NKD1: variants seen among roughly 807,000 people sequenced by gnomAD.
NKD1 encodes protein naked cuticle homolog 1.
NKD1 carries 21 observed loss-of-function variants against 56.0 expected under a neutral mutation model. The ratio of observed to expected loss-of-function variants is 0.38; its 90% CI spans 0.27 to 0.54. NKD1 has a LOEUF of 0.54. Ranked by LOEUF, NKD1 falls within the 20% of genes least tolerant of loss-of-function variation. The pLI is 0.82. For synonymous variants in NKD1, 263 were observed against 265.7 expected (o/e 0.99, Z 0.10); for missense variants, 578 against 642.7 (o/e 0.90, Z 1.09).
chr16:50,603,955 C>G (rs577907161), intron 3 of NKD1, among the ~76,000 whole-genome samples: 3 of 152,318 alleles, frequency 2.0e-5, no homozygotes, highest in Non-Finnish European at 1.5e-5. Context: ...CCAATCCAGG[C>G]CATTAGACAG....
intron 4 of NKD1, among the ~76,000 whole-genome samples, chr16:50,611,709 C>T (rs1361245364): frequency 1.3e-5 from 2 of 152,228 alleles, no homozygotes; most frequent in African/African-American, 2.4e-5. Context: ...TTCTGACTTC[C>T]TGTGAATTCG....
chr16:50,611,316 G>A (rs1213142146), intron 4 of NKD1, among the ~76,000 whole-genome samples: 1 of 149,674 alleles, frequency 6.7e-6, no homozygotes, highest in Non-Finnish European at 1.5e-5. Flanking sequence ...GCATCCTCAA[G>A]TGCCTGGTTT....
intron 3 of NKD1, among the ~76,000 whole-genome samples, chr16:50,576,247 G>A (rs1367737683): frequency 6.6e-6 from 1 of 152,154 alleles, no homozygotes. Context: ...TGTGGGTATT[G>A]CCTTCGCAAG....
intron 8 of NKD1, 27 bp downstream of exon 8, chr16:50,630,937 T>C: frequency 6.5e-7 from 1 of 1,534,060 alleles, no homozygotes. Context: ...CACATGAGCA[T>C]ATGTTGAGCA....
At position 50,638,774 on chromosome 16, in the gene NKD1, G is replaced by T. The variant is rs1962521800; in HGVS notation, c.*4993G>T. On this transcript the variant is annotated 3_prime_UTR_variant, in exon 10 of 10. Transcript: ENST00000268459. ...CATCTGCCTCCAGCATGAGAAGGGG[G>T]AATAGGTGAGACCCATTTGCCAGTA... is the stretch of plus-strand genomic sequence containing the variant. 6.6e-6 allele frequency: 1 copy of T among 152,224 alleles called. No homozygotes were observed. The highest frequency in any genetic ancestry group is 2.1e-4 in the South Asian group (1 of 4,832). 9.4% of individuals were successfully genotyped at this position (152,224 alleles called of 1,614,324 possible).
At chr16:50,606,698 AC>A (rs1358986688) in intron 3 of NKD1, 1 of 433,560 alleles carries the variant, frequency 2.3e-6, no homozygotes, top group Middle Eastern at 3.4e-4. Flanking sequence ...TGATGCTGTC[AC>A]CCGGCTGCAG....
At chr16:50,596,087 C>G (rs972425185) in intron 3 of NKD1, among the ~76,000 whole-genome samples, 1 of 152,204 alleles carries the variant, frequency 6.6e-6, no homozygotes, top group African/African-American at 2.4e-5. Flanking sequence ...TTACACAGCC[C>G]CTGGCTTCCT....
intron 3 of NKD1, among the ~76,000 whole-genome samples, chr16:50,594,841 G>A (rs1326254874): frequency 2.0e-5 from 3 of 152,122 alleles, no homozygotes; most frequent in Non-Finnish European, 2.9e-5. Context: ...ACGTGCACAC[G>A]GTGCCCTGGG....
At chr16:50,576,444 CT>C (rs1479286518) in intron 3 of NKD1, among the ~76,000 whole-genome samples, 2 of 152,174 alleles carry the variant, frequency 1.3e-5, no homozygotes, top group African/African-American at 4.8e-5. Context: ...AGCCAGATTG[CT>C]ATGATCAAAT....
At chr16:50,618,786 G>A (rs1383907987) in intron 4 of NKD1, among the ~76,000 whole-genome samples, 2 of 152,156 alleles carry the variant, frequency 1.3e-5, no homozygotes, top group Non-Finnish European at 2.9e-5. Context: ...GTGGCTTTCT[G>A]AGCTGGGATG....
Position 50,563,005 on chromosome 16 carries a change from G to C in NKD1, c.192+13450G>C, listed in dbSNP as rs1483450415. On this transcript the variant is annotated intron_variant, in intron 3 of 9. Transcript: ENST00000268459. Reference sequence around the variant, plus strand: ...ACCACCACCCCCCCCCCCCGCCGTAGAATGGGTAGAAGAAGGGGCTGTAGA... The same window carrying C: ...ACCACCACCCCCCCCCCCCGCCGTACAATGGGTAGAAGAAGGGGCTGTAGA... Among the ~76,000 whole-genome samples the C allele has an allele frequency of 3.2e-5, 3 of 93,324 alleles. No homozygotes were observed. In the South Asian group the frequency reaches 8.8e-4, roughly 27 times the overall value. The allele number at this position is 93,324 out of a possible 152,430, so 61.2% of individuals were successfully genotyped here.
In NKD1 at chr16:50,548,453, C is replaced by T. The variant is rs989755438; in HGVS notation, c.-101C>T. On this transcript the variant is annotated 5_prime_UTR_variant, in exon 1 of 10. Transcript: ENST00000268459. ...TCCCGGCGCCGCCTCGGGCTCCGCT[C>T]GGCTCGGGGGCTGCTTCGGGAGGAG... is the stretch of plus-strand genomic sequence containing the variant. 6 of 872,474 alleles carry T rather than the reference C, an allele frequency of 6.9e-6. No individual in the cohort carries two copies. The South Asian group carries it at 1.1e-4, about 17-fold the overall frequency. The allele number at this position is 872,474 out of a possible 1,614,324, so 54.0% of individuals were successfully genotyped here. A position where few individuals can be genotyped will look rare whatever the true frequency, so the allele number is the denominator to read the frequency against.
intron 6 of NKD1, among the ~76,000 whole-genome samples, chr16:50,626,084 C>G (rs545661533): frequency 6.6e-6 from 1 of 152,348 alleles, no homozygotes; most frequent in South Asian, 2.1e-4. Context: ...AAGGGCCCTG[C>G]CAGTGGCTCT....
At chr16:50,625,313 G>A (rs1181795740) in intron 5 of NKD1, 172 bp from the exon 6 acceptor site, 2 of 603,668 alleles carry the variant, frequency 3.3e-6, no homozygotes, top group South Asian at 2.0e-5. Context: ...GGCTCTGGCT[G>A]CCCTCCTGGG....
In NKD1 at chr16:50,549,451, G is replaced by C. The variant is rs1960324817; in HGVS notation, c.88G>C (p.Ala30Pro). 6.2e-7 allele frequency: 1 copy of C among 1,611,400 alleles called. No individual in the cohort carries two copies. The highest frequency in any genetic ancestry group is 1.1e-5 in the South Asian group (1 of 90,976). ...GDSFAVSAAW[A>P]RKGIEEWIGR... is the part of the protein sequence containing the mutation. ...CAGCTTCGCCGTGAGCGCTGCCTGGGCTCGGAAGGGCATCGAGGAGTGGAT... is the reference window on the plus strand; with the variant it reads ...CAGCTTCGCCGTGAGCGCTGCCTGGCCTCGGAAGGGCATCGAGGAGTGGAT... Residue 30 changes from alanine to proline, a missense_variant, in exon 3 of 10, where the codon GCT (alanine) becomes CCT (proline). By Grantham distance (27) the Ala-to-Pro change is conservative. Transcript: ENST00000268459.
chr16:50,610,948 G>A (rs1217079681), intron 4 of NKD1, among the ~76,000 whole-genome samples: 1 of 152,172 alleles, frequency 6.6e-6, no homozygotes, highest in African/African-American at 2.4e-5. Context: ...TTCGTGGGGA[G>A]AAGGGGAGAG....
chr16:50,568,846 C>T (rs1051435854), intron 3 of NKD1, among the ~76,000 whole-genome samples: 4 of 152,140 alleles, frequency 2.6e-5, no homozygotes, highest in African/African-American at 9.7e-5. Flanking sequence ...GTGCTTCTCT[C>T]CCCCAATGTG....
At chr16:50,620,079 A>T (rs2151278456) in intron 4 of NKD1, among the ~76,000 whole-genome samples, 1 of 152,400 alleles carries the variant, frequency 6.6e-6, no homozygotes, top group Admixed American at 6.5e-5. Context: ...ACTGCCTCAC[A>T]GGGCTTCATG....
intron 6 of NKD1, among the ~76,000 whole-genome samples, chr16:50,626,821 C>T (rs541921639): frequency 3.3e-5 from 5 of 152,172 alleles, no homozygotes; most frequent in Non-Finnish European, 7.3e-5. Context: ...GTTACATGCA[C>T]CTGCGCGGCG....
Sources: gnomAD v4.1 joint callset for allele counts (sites outside exome capture counted in the v4.1 genomes callset) on GRCh38, gnomAD v4.1.1 for gene constraint, MANE v1.5 for transcripts, NCBI Gene and HGNC (gene_info 2026-07-23, HGNC 2026-07-21) for gene names.